The following CA10 variants were observed in gnomAD, a reference collection of about 807,000 sequenced individuals.
The protein encoded by CA10 is carbonic anhydrase 10 (inactive), also known as carbonic anhydrase-related protein 10.
In CA10, 14 loss-of-function variants were observed where a neutral mutation model predicts 44.2. That is an observed-to-expected ratio of 0.32 (90% CI 0.21 to 0.50). The LOEUF (loss-of-function observed/expected upper bound fraction) is 0.50. Ranked by LOEUF, CA10 falls within the 20% of genes least tolerant of loss-of-function variation. The pLI is 0.99. For synonymous variants in CA10, 159 were observed against 141.6 expected (o/e 1.12, Z -0.87); for missense variants, 350 against 409.7 (o/e 0.85, Z 1.26).
chr17:52,066,667 T>G (rs540200328), intron 2 of CA10, among the ~76,000 whole-genome samples: 1 of 152,338 alleles, frequency 6.6e-6, no homozygotes, highest in African/African-American at 2.4e-5. Context: ...CTTTCCTTTA[T>G]AAATTACCCA....
At position 51,672,234 on chromosome 17, in the gene CA10, C is replaced by T. The variant is rs1306011928; in HGVS notation, c.466-18498G>A. 3.3e-5 allele frequency among the ~76,000 whole-genome samples: 5 copies of T among 152,304 alleles called. No individual in the cohort carries two copies. The East Asian group carries it at 5.8e-4, about 18-fold the overall frequency. On this transcript the variant is annotated intron_variant, in intron 4 of 8. Transcript: ENST00000451037. The stretch of plus-strand genomic sequence containing the variant: ...TCGTCACACACAAACAATACTACTG[C>T]TGCTACCACCACCACGATGATGGCT...
intron 2 of CA10, among the ~76,000 whole-genome samples, chr17:51,955,855 A>G (rs1203749397): frequency 1.3e-5 from 2 of 152,064 alleles, no homozygotes; most frequent in Admixed American, 1.3e-4. Context: ...GAGGGAGAGC[A>G]TTAGGACAAA....
chr17:52,074,039 C>G (rs1987754420), intron 1 of CA10, among the ~76,000 whole-genome samples: 1 of 152,166 alleles, frequency 6.6e-6, no homozygotes, highest in South Asian at 2.1e-4. Context: ...GATTCTTCCT[C>G]TGGGTCTTGG....
intron 4 of CA10, among the ~76,000 whole-genome samples, chr17:51,728,595 T>C (rs1263560225): frequency 2.6e-5 from 4 of 152,210 alleles, no homozygotes; most frequent in Non-Finnish European, 5.9e-5. Context: ...TATGGATTTT[T>C]GGATACATAT....
intron 4 of CA10, among the ~76,000 whole-genome samples, chr17:51,708,117 A>G (rs1915817872): frequency 6.6e-6 from 1 of 152,164 alleles, no homozygotes; most frequent in Non-Finnish European, 1.5e-5. Flanking sequence ...AGTCCTTCCA[A>G]TCAGATTCTA....
intron 3 of CA10, among the ~76,000 whole-genome samples, chr17:51,753,487 A>C (rs1904964149): frequency 6.6e-6 from 1 of 152,104 alleles, no homozygotes; most frequent in South Asian, 2.1e-4. Flanking sequence ...AGGTAGGAAA[A>C]ATTTTCATTC....
At chr17:51,967,410 T>C (rs1325465995) in intron 2 of CA10, among the ~76,000 whole-genome samples, 1 of 151,536 alleles carries the variant, frequency 6.6e-6, no homozygotes, top group Non-Finnish European at 1.5e-5. Context: ...GTAGCACTAT[T>C]CACAACAGCA....
At chr17:51,812,401 GTCA>G (rs1907405390) in intron 3 of CA10, among the ~76,000 whole-genome samples, 1 of 152,172 alleles carries the variant, frequency 6.6e-6, no homozygotes, top group African/African-American at 2.4e-5. Context: ...CATGTTTAGT[GTCA>G]TCATGTTGCT....
At chr17:51,699,917 G>A (rs542724726) in intron 4 of CA10, among the ~76,000 whole-genome samples, 31 of 152,160 alleles carry the variant, frequency 2.0e-4, no homozygotes, top group Non-Finnish European at 3.2e-4. Context: ...TGCATTTAGT[G>A]CTTCATGCTT....
intron 3 of CA10, among the ~76,000 whole-genome samples, chr17:51,810,611 G>A (rs866901079): frequency 2.0e-5 from 3 of 152,242 alleles, no homozygotes; most frequent in South Asian, 2.1e-4. Flanking sequence ...AAGAAGCCCC[G>A]GAAGCTTCCA....
At chr17:51,643,751 C>T (rs1327957766) in intron 6 of CA10, among the ~76,000 whole-genome samples, 1 of 152,164 alleles carries the variant, frequency 6.6e-6, no homozygotes, top group Non-Finnish European at 1.5e-5. Flanking sequence ...CTGCCTCCTC[C>T]CCTGAGGGAA....
At chr17:51,977,433 G>GA (rs554102350) in intron 2 of CA10, among the ~76,000 whole-genome samples, 1 of 151,532 alleles carries the variant, frequency 6.6e-6, no homozygotes. Context: ...AAATATTAAA[G>GA]AAAAAAAGCA....
At chr17:52,107,625 G>A (rs1988688963) in intron 1 of CA10, among the ~76,000 whole-genome samples, 2 of 152,100 alleles carry the variant, frequency 1.3e-5, no homozygotes, top group African/African-American at 2.4e-5. Flanking sequence ...AATTTGGGGG[G>A]GAAAATAAAA....
At chr17:51,847,789 T>C (rs1201790360) in intron 3 of CA10, among the ~76,000 whole-genome samples, 1 of 152,162 alleles carries the variant, frequency 6.6e-6, no homozygotes, top group African/African-American at 2.4e-5. Flanking sequence ...CCTTGGGGAC[T>C]GAGAAGCTCA....
intron 2 of CA10, among the ~76,000 whole-genome samples, chr17:51,962,916 G>T (rs1340129174): frequency 6.6e-6 from 1 of 152,148 alleles, no homozygotes; most frequent in Non-Finnish European, 1.5e-5. Context: ...TCCAGCAATG[G>T]TCTCCAACCA....
chr17:51,959,144 A>G (rs1310068149), intron 2 of CA10, among the ~76,000 whole-genome samples: 1 of 152,040 alleles, frequency 6.6e-6, no homozygotes, highest in Non-Finnish European at 1.5e-5. Context: ...GAAAAGCCCC[A>G]GTCACAAAGC....
At chr17:51,861,543 GTTT>G (rs370260672) in intron 3 of CA10, among the ~76,000 whole-genome samples, 2 of 137,590 alleles carry the variant, frequency 1.5e-5, no homozygotes, top group Non-Finnish European at 3.2e-5. Context: ...GCAGATGTGT[GTTT>G]TTTTTTTTTT....
intron 3 of CA10, among the ~76,000 whole-genome samples, chr17:51,776,901 G>A (rs371540184): frequency 1.5e-4 from 23 of 152,142 alleles, no homozygotes; most frequent in African/African-American, 4.1e-4. Flanking sequence ...GCCAAGAACC[G>A]TTCCTGGCAC....
chr17:52,129,616 A>T (rs1362399050), intron 1 of CA10, among the ~76,000 whole-genome samples: 2 of 152,224 alleles, frequency 1.3e-5, no homozygotes, highest in East Asian at 1.9e-4. Context: ...TTATAGTACC[A>T]AAAACAGCTG....
Sources: gnomAD v4.1 joint callset for allele counts (sites outside exome capture counted in the v4.1 genomes callset) on GRCh38, gnomAD v4.1.1 for gene constraint, MANE v1.5 for transcripts, NCBI Gene and HGNC (gene_info 2026-07-23, HGNC 2026-07-21) for gene names.